The following SLC24A3 variants were observed in gnomAD, a reference collection of about 807,000 sequenced individuals.
The protein encoded by SLC24A3 is sodium/potassium/calcium exchanger 3.
A neutral mutation model predicts 75.8 loss-of-function variants in SLC24A3; 28 were observed. That is an observed-to-expected ratio of 0.37 (90% CI 0.27 to 0.51). SLC24A3 has a LOEUF of 0.51. Among genes scored for constraint, SLC24A3 ranks in the 20% least tolerant of loss-of-function variants. The pLI, the probability that SLC24A3 is intolerant of heterozygous loss-of-function variation, is 0.94. For missense variants in SLC24A3, 663 were observed against 847.8 expected (o/e 0.78, Z 2.71); for synonymous variants, 372 against 334.1 (o/e 1.11, Z -1.24).
intron 2 of SLC24A3, among the ~76,000 whole-genome samples, chr20:19,365,693 A>G (rs772289670): frequency 6.6e-6 from 1 of 152,178 alleles, no homozygotes; most frequent in Non-Finnish European, 1.5e-5. Context: ...GTAAATGTCT[A>G]TGGTTCATTT....
intron 2 of SLC24A3, among the ~76,000 whole-genome samples, chr20:19,351,058 G>A (rs1468982552): frequency 6.6e-6 from 1 of 152,160 alleles, no homozygotes; most frequent in Non-Finnish European, 1.5e-5. Context: ...ATGCTTTGAT[G>A]TTTGGCTGTC....
chr20:19,678,475 A>C (rs1213554257), intron 9 of SLC24A3, among the ~76,000 whole-genome samples: 1 of 84,148 alleles, frequency 1.2e-5, no homozygotes, highest in Admixed American at 1.3e-4. Flanking sequence ...CTGACCCCCC[A>C]CCTCCCTCCC....
intron 3 of SLC24A3, among the ~76,000 whole-genome samples, chr20:19,540,776 G>A (rs76134671): frequency 0.057 from 8,612 of 152,256 alleles, 367 homozygotes; most frequent in South Asian, 0.077. Flanking sequence ...AAGGGAAGTC[G>A]AGAGGAAAAA....
At chr20:19,289,210 C>A (rs3790178) in intron 2 of SLC24A3, among the ~76,000 whole-genome samples, 2,973 of 152,038 alleles carry the variant, frequency 0.02, 34 homozygotes, top group African/African-American at 0.029. Flanking sequence ...GGCACACAAT[C>A]AAAAAAACTC....
intron 2 of SLC24A3, among the ~76,000 whole-genome samples, chr20:19,489,794 A>G (rs1387508775): frequency 6.6e-6 from 1 of 152,170 alleles, no homozygotes; most frequent in Non-Finnish European, 1.5e-5. Flanking sequence ...CACTGAGTGT[A>G]CAGTATACCA....
At chr20:19,220,468 G>A (rs1029176007) in intron 1 of SLC24A3, among the ~76,000 whole-genome samples, 3 of 152,204 alleles carry the variant, frequency 2.0e-5, no homozygotes, top group African/African-American at 4.8e-5. Flanking sequence ...TCTTGATTAG[G>A]ACCTTGACAA....
chr20:19,585,133 C>T (rs1328186898), intron 5 of SLC24A3, 78 bp downstream of exon 5: 31 of 1,283,650 alleles, frequency 2.4e-5, no homozygotes, highest in Non-Finnish European at 3.3e-5. Flanking sequence ...GGCCCCCAGA[C>T]CGAGATTGTC....
intron 2 of SLC24A3, among the ~76,000 whole-genome samples, chr20:19,349,184 G>A (rs1985507605): frequency 6.6e-6 from 1 of 152,100 alleles, no homozygotes. Flanking sequence ...AACTTCCATA[G>A]GAACAAGCCA....
chr20:19,711,022 G>A lies in SLC24A3; in HGVS notation c.1720-6506G>A, dbSNP rs923154270. Among the ~76,000 whole-genome samples the A allele has an allele frequency of 8.6e-4, 13 of 15,134 alleles. No homozygotes were observed. In the Admixed American group the frequency reaches 0.012, roughly 14 times the overall value. 9.9% of individuals were successfully genotyped at this position (15,134 alleles called of 152,430 possible). A position where few individuals can be genotyped will look rare whatever the true frequency, so the allele number is the denominator to read the frequency against. On this transcript the variant is annotated intron_variant, in intron 15 of 16. Transcript: ENST00000328041. ...TGCTATGCAGTCTCACTGCCTCCCA[G>A]TATGCACATGCAGTCTCACTGCCTC...
At chr20:19,477,937 T>G (rs1439874374) in intron 2 of SLC24A3, among the ~76,000 whole-genome samples, 1 of 152,232 alleles carries the variant, frequency 6.6e-6, no homozygotes, top group African/African-American at 2.4e-5. Flanking sequence ...AAGGACAGTC[T>G]ATACTGGAGG....
intron 9 of SLC24A3, among the ~76,000 whole-genome samples, chr20:19,674,974 C>T (rs1050633544): frequency 7.9e-5 from 12 of 152,126 alleles, no homozygotes; most frequent in African/African-American, 2.4e-4. Flanking sequence ...CGCTGGAACC[C>T]GGGAGGCAGA....
intron 6 of SLC24A3, among the ~76,000 whole-genome samples, chr20:19,641,403 A>G (rs763533549): frequency 4.6e-5 from 7 of 152,212 alleles, no homozygotes; most frequent in African/African-American, 7.2e-5. Context: ...CTCAAAGTAA[A>G]TTTTTATTAT....
intron 3 of SLC24A3, among the ~76,000 whole-genome samples, chr20:19,545,542 G>A (rs2030574316): frequency 6.6e-6 from 1 of 152,196 alleles, no homozygotes; most frequent in Non-Finnish European, 1.5e-5. Context: ...TCTGGCCCTG[G>A]GAAGAGAGTG....
rs201586027 is a variant in SLC24A3, at chr20:19,420,642, C to G, written c.272-94846C>G. On this transcript the variant is annotated intron_variant, in intron 2 of 16. Transcript: ENST00000328041. ...AATTTCATAATTTACAGATTCAATGCCATCCCCATCAAGCTACCAATGACT... is the reference window on the plus strand; with the variant it reads ...AATTTCATAATTTACAGATTCAATGGCATCCCCATCAAGCTACCAATGACT... Among the ~76,000 whole-genome samples, 872 of 88,424 alleles carry G rather than the reference C, an allele frequency of 9.9e-3. 67 individuals carry two copies. The highest frequency in any genetic ancestry group is 0.064 in the East Asian group (47 of 736). 58.0% of individuals were successfully genotyped at this position (88,424 alleles called of 152,430 possible).
intron 2 of SLC24A3, among the ~76,000 whole-genome samples, chr20:19,427,229 G>A (rs542619381): frequency 1.3e-5 from 2 of 152,214 alleles, no homozygotes; most frequent in South Asian, 4.1e-4. Flanking sequence ...GGTGGGGCTG[G>A]CAGCAGTGAG....
intron 2 of SLC24A3, among the ~76,000 whole-genome samples, chr20:19,323,546 C>T (rs1181667196): frequency 6.6e-6 from 1 of 152,168 alleles, no homozygotes; most frequent in Non-Finnish European, 1.5e-5. Flanking sequence ...CAGGACTAGA[C>T]CTTCATATCC....
intron 2 of SLC24A3, among the ~76,000 whole-genome samples, chr20:19,394,707 A>G (rs1056017336): frequency 2.0e-5 from 3 of 152,176 alleles, no homozygotes; most frequent in Non-Finnish European, 4.4e-5. Flanking sequence ...AACAAACAAA[A>G]CAGAAAATAA....
At chr20:19,478,019 A>T (rs556873527) in intron 2 of SLC24A3, among the ~76,000 whole-genome samples, 2 of 152,290 alleles carry the variant, frequency 1.3e-5, no homozygotes, top group South Asian at 4.1e-4. Context: ...GCCATCAGGA[A>T]TCCCATCCTC....
intron 2 of SLC24A3, among the ~76,000 whole-genome samples, chr20:19,350,908 C>G (rs1985550808): frequency 7.6e-6 from 1 of 131,322 alleles, no homozygotes; most frequent in Non-Finnish European, 1.8e-5. Context: ...TCACCTCTGT[C>G]CAGGCCCCAG....
Sources: allele counts gnomAD v4.1 joint callset (sites outside exome capture counted in the v4.1 genomes callset), GRCh38; gene constraint gnomAD v4.1.1; transcripts MANE v1.5; gene names NCBI Gene and HGNC (gene_info 2026-07-23, HGNC 2026-07-21).